Variants in SATB1 observed in about 807,000 individuals in gnomAD.
SATB1 encodes DNA-binding protein SATB1.
SATB1 carries 11 observed loss-of-function variants against 86.9 expected under a neutral mutation model. That is an observed-to-expected ratio of 0.13 (90% CI 0.08 to 0.21). SATB1 has a LOEUF of 0.21. Ranked by LOEUF, SATB1 falls within the 10% of genes least tolerant of loss-of-function variation. The pLI, the probability that SATB1 is intolerant of heterozygous loss-of-function variation, is 1.00. For missense variants in SATB1, 551 were observed against 937.6 expected (o/e 0.59, Z 5.39); for synonymous variants, 357 against 357.2 (o/e 1.00, Z 0.01).
At chr3:18,416,442 A>C (rs190080601) in intron 3 of SATB1, among the ~76,000 whole-genome samples, 24 of 152,280 alleles carry the variant, frequency 1.6e-4, no homozygotes, top group Non-Finnish European at 4.4e-5. Context: ...TAGCCGAACC[A>C]GTTCTAAATG....
chr3:18,444,748 G>A lies in SATB1; in HGVS notation c.-25+770C>T, dbSNP rs1699336157. The A allele has an allele frequency of 6.1e-6, 4 of 657,538 alleles. No individual in the cohort carries two copies. The highest frequency in any genetic ancestry group is 7.5e-6 in the Non-Finnish European group (4 of 531,042). 40.7% of individuals were successfully genotyped at this position (657,538 alleles called of 1,614,324 possible). A position where few individuals can be genotyped will look rare whatever the true frequency, so the allele number is the denominator to read the frequency against. ...TGCCGCCGCCGCCGCCGCCGGAGCT[G>A]CGGCTGCCGCGGAAGTTAATTGCAA... On this transcript the variant is annotated intron_variant, in intron 1 of 3. Transcript: ENST00000415069. This position sits in a 1 kb window ranked among gnomAD's most constrained non-coding sequence, Gnocchi z 5.1.
At chr3:18,364,636 C>T (rs1024979209) in intron 9 of SATB1, among the ~76,000 whole-genome samples, 1 of 151,616 alleles carries the variant, frequency 6.6e-6, no homozygotes, top group African/African-American at 2.4e-5. Context: ...GGTTAAGAAC[C>T]CCTAAATGGG....
chr3:18,444,730 G>A lies in SATB1; in HGVS notation c.-25+788C>T. The A allele has an allele frequency of 2.4e-6, 2 of 825,852 alleles. No individual in the cohort carries two copies. Among genetic ancestry groups the A allele is most frequent in the Non-Finnish European group, 2.9e-6 (2 of 684,756 alleles). 51.2% of individuals were successfully genotyped at this position (825,852 alleles called of 1,614,324 possible). ...GGCGGCTTCTGCCTCTCCTGCCGCC[G>A]CCGCCGCCGCCGGAGCTGCGGCTGC... On this transcript the variant is annotated intron_variant, in intron 1 of 3. Transcript: ENST00000415069. The surrounding 1 kb of genome is among the most constrained non-coding windows in gnomAD (Gnocchi z 5.1).
rs193086356 is a variant in SATB1, at chr3:18,381,397, T to C, written c.1420-3072A>G. On this transcript the variant is annotated intron_variant, in intron 8 of 10. Coordinates refer to ENST00000338745, the MANE Select transcript of SATB1 (RefSeq NM_002971.6). ...TGTGATAATAAACACTGACATTTAT[T>C]AGTTGTTTATTATGTGCTGGACATT... Among the ~76,000 whole-genome samples, 478 of 152,338 alleles carry C rather than the reference T, an allele frequency of 3.1e-3. 5 individuals carry two copies. Among genetic ancestry groups the C allele is most frequent in the South Asian group, 3.5e-3 (17 of 4,832 alleles).
chr3:18,360,157 C>T (rs952559050), intron 9 of SATB1, among the ~76,000 whole-genome samples: 6 of 152,088 alleles, frequency 3.9e-5, no homozygotes, highest in Admixed American at 3.3e-4. Flanking sequence ...CAAAAAAGCA[C>T]ATTAATCTGA....
upstream of SATB1, among the ~76,000 whole-genome samples, chr3:18,426,121 G>A (rs1011226731): frequency 6.6e-6 from 1 of 152,192 alleles, no homozygotes; most frequent in Non-Finnish European, 1.5e-5. The surrounding 1 kb of genome is among the most constrained non-coding windows in gnomAD (Gnocchi z 4.2). Context: ...GGGAAGCGCG[G>A]AGGGTGCAGA....
At chr3:18,434,873 A>G (rs540123297) in intron 2 of SATB1, 1 of 152,128 alleles carries the variant, frequency 6.6e-6, no homozygotes, top group Non-Finnish European at 1.5e-5. Context: ...AATAAAAAAA[A>G]AAAATAACCG....
chr3:18,431,161 G>C (rs1340665694), intron 2 of SATB1, among the ~76,000 whole-genome samples: 1 of 152,134 alleles, frequency 6.6e-6, no homozygotes, highest in Admixed American at 6.5e-5. Flanking sequence ...GAAGAAGGAA[G>C]GATTCTTGAA....
intron 1 of SATB1, chr3:18,445,175 C>T: frequency 1.0e-6 from 1 of 961,616 alleles, no homozygotes; most frequent in Non-Finnish European, 1.2e-6. Flanking sequence ...AGCGGGGCGG[C>T]CAGGGCCCGG....
At chr3:18,363,759 G>A (rs1575092945) in intron 9 of SATB1, among the ~76,000 whole-genome samples, 1 of 152,098 alleles carries the variant, frequency 6.6e-6, no homozygotes, top group South Asian at 2.1e-4. Flanking sequence ...TCATTGTGTA[G>A]GCTAACAGGA....
At chr3:18,445,264 G>GAAGCCCGAGCCGAGCC (rs1699361271) in intron 1 of SATB1, 6 of 983,184 alleles carry the variant, frequency 6.1e-6, no homozygotes, top group East Asian at 1.1e-4. Flanking sequence ...TAGGCGCACT[G>GAAGCCCGAGCCGAGCC]AAGCCCGAGC....
intron 9 of SATB1, among the ~76,000 whole-genome samples, chr3:18,368,807 G>T (rs1695314719): frequency 6.6e-6 from 1 of 152,168 alleles, no homozygotes; most frequent in Non-Finnish European, 1.5e-5. Context: ...GGATTGTTGT[G>T]ATCTGGTTCC....
chr3:18,370,398 G>C (rs182156808), intron 9 of SATB1, among the ~76,000 whole-genome samples: 1 of 149,828 alleles, frequency 6.7e-6, no homozygotes, highest in Admixed American at 6.7e-5. Context: ...TTATCACTAA[G>C]AGCCATCCCC....
intron 5 of SATB1, among the ~76,000 whole-genome samples, chr3:18,408,275 C>T (rs1162091938): frequency 1.3e-5 from 2 of 151,936 alleles, no homozygotes; most frequent in East Asian, 1.9e-4. Flanking sequence ...AGGAATTCTG[C>T]AATCTTATGA....
rs1284461218 is a variant in SATB1, at chr3:18,352,449, CAG to C, written c.1576-256_1576-255del. The stretch of plus-strand genomic sequence containing the variant: ...ATATTTTTTCAGACTCTGAGGGTAA[CAG>C]AGCATTTATCACAGATTTTTTAATA... On this transcript the variant is annotated intron_variant, in intron 9 of 10. Coordinates refer to ENST00000338745, the MANE Select transcript of SATB1 (RefSeq NM_002971.6). This position sits in a 1 kb window ranked among gnomAD's most constrained non-coding sequence, Gnocchi z 4.1. The C allele has an allele frequency of 2.0e-5, 9 of 446,528 alleles. No homozygotes were observed. The highest frequency in any genetic ancestry group is 1.6e-4 in the African/African-American group (8 of 51,196). The allele number at this position is 446,528 out of a possible 1,614,324, so 27.7% of individuals were successfully genotyped here.
chr3:18,418,018 G>A (rs1698206792), intron 2 of SATB1, among the ~76,000 whole-genome samples: 1 of 152,190 alleles, frequency 6.6e-6, no homozygotes, highest in Non-Finnish European at 1.5e-5. Flanking sequence ...TACTCAAGGT[G>A]TTTATGCAGC....
chr3:18,365,247 T>C (rs953707746), intron 9 of SATB1, among the ~76,000 whole-genome samples: 1 of 152,208 alleles, frequency 6.6e-6, no homozygotes, highest in African/African-American at 2.4e-5. Context: ...GTTACGGGTA[T>C]TGACATCATG....
intron 9 of SATB1, among the ~76,000 whole-genome samples, chr3:18,368,771 T>C (rs555758713): frequency 6.6e-6 from 1 of 152,236 alleles, no homozygotes; most frequent in East Asian, 1.9e-4. Flanking sequence ...GTAGGCTATA[T>C]CTATGTTTTA....
At chr3:18,365,640 AG>A (rs1367957169) in intron 9 of SATB1, among the ~76,000 whole-genome samples, 2 of 152,182 alleles carry the variant, frequency 1.3e-5, no homozygotes, top group Admixed American at 6.5e-5. Context: ...AAAGATGGTA[AG>A]GGGGGAGACA....
Sources: allele counts gnomAD v4.1 joint callset (sites outside exome capture counted in the v4.1 genomes callset), GRCh38; gene constraint gnomAD v4.1.1; non-coding constraint Gnocchi (gnomAD v3.1); transcripts MANE v1.5; gene names NCBI Gene and HGNC (gene_info 2026-07-23, HGNC 2026-07-21).